Variants in GAREM1 observed in about 807,000 individuals in gnomAD.
GAREM1 encodes the protein GRB2 associated regulator of MAPK1 subtype 1.
Under a neutral mutation model 71.3 loss-of-function variants are expected in GAREM1, and 26 were observed. The observed-to-expected ratio is 0.36, with a 90% CI of 0.27 to 0.51. GAREM1 has a LOEUF of 0.51. Among genes scored for constraint, GAREM1 ranks in the 20% least tolerant of loss-of-function variants. The pLI is 0.95. For synonymous variants in GAREM1, 440 were observed against 433.2 expected, an observed-to-expected ratio of 1.02 and a Z score of -0.20; for missense variants, 1,026 against 1,103.1, an observed-to-expected ratio of 0.93 and a Z score of 0.99.
At chr18:32,300,906 C>CAA (rs764891353) in intron 3 of GAREM1, among the ~76,000 whole-genome samples, 26,370 of 82,762 alleles carry the variant, frequency 0.32, 3,144 homozygotes, top group Non-Finnish European at 0.36. Flanking sequence ...AACTCCGTCT[C>CAA]AAAAAAAAAA....
chr18:32,342,749 C>T (rs938272559), intron 2 of GAREM1, among the ~76,000 whole-genome samples: 3 of 152,176 alleles, frequency 2.0e-5, no homozygotes, highest in Non-Finnish European at 2.9e-5. Context: ...GAATACTATA[C>T]ACATCCAAAT....
chr18:32,313,851 G>A (rs2047349617), intron 2 of GAREM1, among the ~76,000 whole-genome samples: 1 of 152,094 alleles, frequency 6.6e-6, no homozygotes. Context: ...TCCAAGTTTG[G>A]GCTTAACAAG....
chr18:32,381,394 C>T (rs2048096654), intron 2 of GAREM1, among the ~76,000 whole-genome samples: 1 of 152,104 alleles, frequency 6.6e-6, no homozygotes, highest in African/African-American at 2.4e-5. Flanking sequence ...AAAAAGTGTG[C>T]AAAAGCAAGT....
intron 4 of GAREM1, among the ~76,000 whole-genome samples, chr18:32,283,665 T>A (rs573745284): frequency 1.3e-5 from 2 of 152,170 alleles, no homozygotes; most frequent in African/African-American, 2.4e-5. Context: ...GACTAGAGCA[T>A]CAAATGCAAG....
In GAREM1 at chr18:32,287,629, A is replaced by G; in HGVS notation, c.968T>C (p.Val323Ala). 3 of 1,614,170 alleles carry G rather than the reference A, an allele frequency of 1.9e-6. No homozygotes were observed. The highest frequency in any genetic ancestry group is 2.5e-6 in the Non-Finnish European group (3 of 1,180,016). The change falls in exon 4 of 6, where the codon GTC becomes GCC. Residue 323 changes from valine (V) to alanine (A), a missense_variant. Transcript: ENST00000269209. This position sits in a 1 kb window ranked among gnomAD's most constrained non-coding sequence, Gnocchi z 5.9. ...TTGGCAGATACCTAGCCAGTGATGG[A>G]CCAGGGTTTCGGGCCAGCTCTCTCC... is the stretch of plus-strand genomic sequence containing the variant. ...VKGESWPETLVHHWLGICQEQ... is the reference protein window; with the variant it reads ...VKGESWPETLAHHWLGICQEQ...
chr18:32,306,271 T>G (rs1251750176), intron 3 of GAREM1, among the ~76,000 whole-genome samples: 3 of 152,206 alleles, frequency 2.0e-5, no homozygotes, highest in Non-Finnish European at 4.4e-5. Context: ...TCTACCTCAC[T>G]GCTATCCTAT....
At chr18:32,371,256 C>T (rs986472125) in intron 2 of GAREM1, among the ~76,000 whole-genome samples, 1 of 152,072 alleles carries the variant, frequency 6.6e-6, no homozygotes, top group Non-Finnish European at 1.5e-5. Flanking sequence ...GGGAGCTTGG[C>T]CTTTCTCTTG....
At chr18:32,293,332 A>T (rs1288703385) in intron 3 of GAREM1, among the ~76,000 whole-genome samples, 1 of 152,190 alleles carries the variant, frequency 6.6e-6, no homozygotes, top group Non-Finnish European at 1.5e-5. Context: ...GCCAGAAAGT[A>T]AGGTGCTCAT....
At chr18:32,356,997 T>C (rs1258240013) in intron 2 of GAREM1, among the ~76,000 whole-genome samples, 5 of 152,218 alleles carry the variant, frequency 3.3e-5, no homozygotes, top group Admixed American at 2.6e-4. Context: ...CCCACAGCCT[T>C]CGTAGCACAA....
intron 3 of GAREM1, among the ~76,000 whole-genome samples, chr18:32,306,826 C>T (rs1260962317): frequency 6.6e-6 from 1 of 152,178 alleles, no homozygotes; most frequent in Non-Finnish European, 1.5e-5. Flanking sequence ...ACCCCCAGTG[C>T]CTGCAGTAGT....
chr18:32,439,891 A>G (rs2048717142), intron 1 of GAREM1, among the ~76,000 whole-genome samples: 2 of 151,850 alleles, frequency 1.3e-5, no homozygotes, highest in Non-Finnish European at 2.9e-5. Flanking sequence ...GTTCTAGTGA[A>G]TGAAGGTGAA....
chr18:32,345,514 T>TA (rs2047687187), intron 2 of GAREM1, among the ~76,000 whole-genome samples: 1 of 152,252 alleles, frequency 6.6e-6, no homozygotes, highest in South Asian at 2.1e-4. Context: ...GTTCTTCAAG[T>TA]AGAGTAAAAA....
chr18:32,431,387 T>A (rs1265082458), intron 1 of GAREM1, among the ~76,000 whole-genome samples: 1 of 152,174 alleles, frequency 6.6e-6, no homozygotes, highest in Non-Finnish European at 1.5e-5. Context: ...CCCAGCACTT[T>A]GGGAGGCCGA....
At chr18:32,311,123 G>A (rs192409145) in intron 2 of GAREM1, among the ~76,000 whole-genome samples, 53 of 152,278 alleles carry the variant, frequency 3.5e-4, no homozygotes, top group Admixed American at 3.2e-3. Flanking sequence ...CTATCATGTT[G>A]TTGTTTACAT....
chr18:32,285,839 T>C (rs1010349133), intron 4 of GAREM1, among the ~76,000 whole-genome samples: 3 of 152,160 alleles, frequency 2.0e-5, no homozygotes, highest in Non-Finnish European at 2.9e-5. Context: ...AGTAATTCCA[T>C]AGTTTTTAAA....
At chr18:32,468,909 A>G (rs2049022864) in intron 1 of GAREM1, among the ~76,000 whole-genome samples, 1 of 148,888 alleles carries the variant, frequency 6.7e-6, no homozygotes, top group South Asian at 2.1e-4. Flanking sequence ...AGCACACAAC[A>G]TTTTCCCACC....
chr18:32,370,010 A>G (rs1567983188), intron 2 of GAREM1, among the ~76,000 whole-genome samples: 1 of 152,250 alleles, frequency 6.6e-6, no homozygotes, highest in Non-Finnish European at 1.5e-5. Context: ...AGAACCTGAG[A>G]CAAGACTCTT....
chr18:32,405,188 A>C (rs548968002), intron 1 of GAREM1, among the ~76,000 whole-genome samples: 27 of 151,978 alleles, frequency 1.8e-4, no homozygotes, highest in African/African-American at 6.0e-4. Flanking sequence ...CTTCTCTTAC[A>C]ATTTTTTTTT....
At chr18:32,272,824 TGCTGGCCAG>T (rs1598919600) in intron 4 of GAREM1, among the ~76,000 whole-genome samples, 1 of 152,194 alleles carries the variant, frequency 6.6e-6, no homozygotes, top group South Asian at 2.1e-4. Flanking sequence ...GGTTTCGCCA[TGCTGGCCAG>T]GCTGGTCTCG....
Sources: gnomAD v4.1 joint callset for allele counts (sites outside exome capture counted in the v4.1 genomes callset) on GRCh38, gnomAD v4.1.1 for gene constraint, Gnocchi (gnomAD v3.1) non-coding constraint, MANE v1.5 for transcripts, NCBI Gene and HGNC (gene_info 2026-07-23, HGNC 2026-07-21) for gene names.